The following EFCAB8 variants were observed in gnomAD, a reference collection of about 807,000 sequenced individuals.
EFCAB8 encodes the protein EF-hand calcium binding domain 8, also known as EF-hand calcium-binding domain-containing protein 8.
A neutral mutation model predicts 116.3 loss-of-function variants in EFCAB8; 100 were observed. The ratio of observed to expected loss-of-function variants is 0.86; its 90% CI spans 0.73 to 1.02. EFCAB8 has a LOEUF of 1.02. Among genes scored for constraint, EFCAB8 ranks in the 50% least tolerant of loss-of-function variants. The probability of loss-of-function intolerance (pLI) is 0.00; values close to 1 mark genes in which losing one functional copy is unlikely to be tolerated. For missense variants in EFCAB8, 1,320 were observed against 1,416.9 expected (o/e 0.93, Z 1.10); for synonymous variants, 558 against 567.9 (o/e 0.98, Z 0.25).
chr20:32,918,336 T>C, intron 18 of EFCAB8, 26 bp from the exon 19 acceptor site: 1 of 1,550,904 alleles, frequency 6.4e-7, no homozygotes, highest in Non-Finnish European at 8.7e-7. Flanking sequence ...TGCAGTGCCT[T>C]AGGGGCTGCT....
chr20:32,918,414 A>G lies in EFCAB8; in HGVS notation c.2114A>G (p.Tyr705Cys). 1 of 1,551,720 alleles carries G rather than the reference A, an allele frequency of 6.4e-7. No homozygotes were observed. Among genetic ancestry groups the G allele is most frequent in the Non-Finnish European group, 8.7e-7 (1 of 1,146,990 alleles). The change falls in exon 19 of 27, where the codon TAT becomes TGT. Residue 705 changes from tyrosine (Y) to cysteine (C), a missense_variant. Coordinates refer to ENST00000400522, the MANE Select transcript of EFCAB8 (RefSeq NM_001143967.2). ...LAESHRPSRP[Y>C]VEREKWTYKT... is the part of the protein sequence containing the mutation. ...GAGAGCCACAGGCCCAGCAGACCCT[A>G]TGTGGAGCGGGAGAAGTGGACATAC...
chr20:32,892,317 TCCTCACATGAACCAGGAGGCCCAGG>T lies in EFCAB8; in HGVS notation c.758+25_758+49del, dbSNP rs773675526. The T allele has an allele frequency of 6.8e-5, 105 of 1,550,286 alleles. No individual in the cohort carries two copies. The Middle Eastern group carries it at 6.9e-4, about 10-fold the overall frequency. ...CTACTGGTGAGTCTCCACTGGGTGT[TCCTCACATGAACCAGGAGGCCCAGG>T]CCTCCTGCAGCAGCCGCATCACTGA... On this transcript the variant is annotated intron_variant, in intron 8 of 26. Transcript: ENST00000400522.
intron 11 of EFCAB8, among the ~76,000 whole-genome samples, chr20:32,901,528 G>A (rs889917049): frequency 3.1e-4 from 45 of 145,806 alleles, no homozygotes; most frequent in African/African-American, 1.3e-3. Flanking sequence ...CCTCACCAGG[G>A]CCAGGAGGGC....
intron 24 of EFCAB8, among the ~76,000 whole-genome samples, chr20:32,958,947 C>T (rs1989055417): frequency 6.6e-6 from 1 of 152,210 alleles, no homozygotes; most frequent in Non-Finnish European, 1.5e-5. Context: ...CCTGAGAGGA[C>T]ATTTGTGTTA....
chr20:32,952,166 G>A (rs941624907), intron 23 of EFCAB8, among the ~76,000 whole-genome samples: 5 of 152,122 alleles, frequency 3.3e-5, no homozygotes, highest in Admixed American at 3.3e-4. Flanking sequence ...TCAGGAGGCT[G>A]AGGCAGGAGG....
At chr20:32,895,382 T>G (rs1181144412) in intron 9 of EFCAB8, among the ~76,000 whole-genome samples, 1 of 149,548 alleles carries the variant, frequency 6.7e-6, no homozygotes, top group African/African-American at 2.5e-5. Flanking sequence ...TGGAGTGTAG[T>G]GGTATGATCA....
Position 32,961,477 on chromosome 20 carries a change from C to A in EFCAB8, c.3735C>A (p.Ser1245=). ...STAHSTPSVP[S]PVSKSTLQGS... is the part of the protein sequence containing the mutation. ...CCCATTCCACCCCCTCGGTCCCATC[C>A]CCGGTGTCCAAGTCCACCCTGCAGG... Residue 1245 remains serine, a synonymous_variant, in exon 27 of 27, where the codon TCC becomes TCA. Coordinates refer to ENST00000400522, the MANE Select transcript of EFCAB8 (RefSeq NM_001143967.2). The A allele has an allele frequency of 6.9e-7, 1 of 1,449,586 alleles. No individual in the cohort carries two copies. Among genetic ancestry groups the A allele is most frequent in the Non-Finnish European group, 9.1e-7 (1 of 1,097,774 alleles). 89.8% of individuals were successfully genotyped at this position (1,449,586 alleles called of 1,614,324 possible).
rs766684942 is a variant in EFCAB8 at position 32,912,445 on chromosome 20, AGAAG to A, written c.1786-348_1786-345del. ...GAAACTCTGTCAAAAAAAAAAAAAA[AGAAG>A]AAGAAGAAAGAAAGTGTACTTAGCC... On this transcript the variant is annotated intron_variant, in intron 16 of 26. Coordinates refer to ENST00000400522, the MANE Select transcript of EFCAB8 (RefSeq NM_001143967.2). Among the ~76,000 whole-genome samples the A allele has an allele frequency of 9.9e-5, 14 of 141,822 alleles. 2 individuals are homozygous for A. Among genetic ancestry groups the A allele is most frequent in the Admixed American group, 1.4e-4 (2 of 14,198 alleles). 93.0% of individuals were successfully genotyped at this position (141,822 alleles called of 152,430 possible). A position where few individuals can be genotyped will look rare whatever the true frequency, so the allele number is the denominator to read the frequency against.
At chr20:32,936,097 A>G (rs1005749858) in intron 22 of EFCAB8, among the ~76,000 whole-genome samples, 1 of 151,674 alleles carries the variant, frequency 6.6e-6, no homozygotes, top group Non-Finnish European at 1.5e-5. Flanking sequence ...CAGTGGTGCA[A>G]TCTCAGCTCA....
chr20:32,902,597 AT>A (rs1986478564), intron 11 of EFCAB8, among the ~76,000 whole-genome samples: 1 of 152,226 alleles, frequency 6.6e-6, no homozygotes, highest in African/African-American at 2.4e-5. Context: ...ATATTTAAAA[AT>A]TAGCTGGGAG....
At chr20:32,914,685 T>C (rs754559825) in intron 17 of EFCAB8, among the ~76,000 whole-genome samples, 1 of 152,012 alleles carries the variant, frequency 6.6e-6, no homozygotes, top group Non-Finnish European at 1.5e-5. Context: ...TCAGGTCTTG[T>C]GAGAACTCAC....
intron 17 of EFCAB8, among the ~76,000 whole-genome samples, 151 bp downstream of exon 17, chr20:32,913,015 C>T (rs1285339667): frequency 6.6e-6 from 1 of 152,142 alleles, no homozygotes; most frequent in Non-Finnish European, 1.5e-5. Flanking sequence ...GCTCATCCAT[C>T]CATTTATTCA....
rs538822552 is a variant in EFCAB8, at chr20:32,871,147, C to T, written c.208+3400C>T. Among the ~76,000 whole-genome samples, 116 of 152,162 alleles carry T rather than the reference C, an allele frequency of 7.6e-4. 4 individuals carry two copies. Among genetic ancestry groups the T allele is most frequent in the South Asian group, 6.8e-3 (33 of 4,818 alleles). The stretch of plus-strand genomic sequence containing the variant: ...GATTTCAGGTGTGAGCCACCGTGCC[C>T]GGCCCTCTCTACTTCTTCTTTTAAA... On this transcript the variant is annotated intron_variant, in intron 3 of 26. Coordinates refer to ENST00000400522, the MANE Select transcript of EFCAB8 (RefSeq NM_001143967.2).
chr20:32,902,440 CA>C (rs372251417), intron 11 of EFCAB8, among the ~76,000 whole-genome samples: 4 of 151,474 alleles, frequency 2.6e-5, no homozygotes, highest in Admixed American at 1.3e-4. Context: ...ACCCTGTCTT[CA>C]AAAAAAACAA....
Position 32,961,227 on chromosome 20 carries a change from A to T in EFCAB8, c.3485A>T (p.Gln1162Leu), listed in dbSNP as rs1221452314. 1 of 1,551,804 alleles carries T rather than the reference A, an allele frequency of 6.4e-7. No homozygotes were observed. The highest frequency in any genetic ancestry group is 1.4e-5 in the African/African-American group (1 of 73,050). The part of the protein sequence containing the change: ...DFLTSRGPDQ[Q>L]DQHIRLVAHH... ...CTGACCAGCAGGGGCCCAGACCAGC[A>T]AGACCAGCACATCCGCCTGGTGGCC... The change falls in exon 27 of 27, where the codon CAA becomes CTA. Residue 1162 changes from glutamine (Q) to leucine (L), a missense_variant. Physicochemically the swap from Gln to Leu is moderately radical, Grantham distance 113 (BLOSUM62 -2). Coordinates refer to ENST00000400522, the MANE Select transcript of EFCAB8 (RefSeq NM_001143967.2).
intron 5 of EFCAB8, among the ~76,000 whole-genome samples, chr20:32,884,013 G>T (rs1462241147): frequency 6.6e-6 from 1 of 152,180 alleles, no homozygotes; most frequent in Non-Finnish European, 1.5e-5. Flanking sequence ...TGGGATTACA[G>T]GCGTGAGCCA....
rs1985579583 is a variant in EFCAB8 at position 32,885,533 on chromosome 20, G to A, written c.460G>A (p.Val154Met). Reference protein sequence around the residue: ...LNHGCEVVKVVFLIHRFKKIG... With the variant: ...LNHGCEVVKVMFLIHRFKKIG... ...CCATGGCTGTGAGGTGGTGAAGGTG[G>A]TGTTTTTAATCCACCGGTTCAAGAA... Residue 154 changes from valine (V) to methionine (M), a missense_variant, in exon 6 of 27, where the codon GTG becomes ATG. Transcript: ENST00000400522. The A allele has an allele frequency of 6.4e-7, 1 of 1,551,760 alleles. No individual in the cohort carries two copies.
intron 23 of EFCAB8, among the ~76,000 whole-genome samples, chr20:32,949,044 T>C (rs925847656): frequency 1.3e-5 from 2 of 152,156 alleles, no homozygotes; most frequent in South Asian, 2.1e-4. Context: ...TAAAACTGTT[T>C]TTATTTGTAG....
chr20:32,910,693 ATCT>A (rs990612349), intron 15 of EFCAB8, among the ~76,000 whole-genome samples: 2 of 149,098 alleles, frequency 1.3e-5, no homozygotes, highest in African/African-American at 5.0e-5. Flanking sequence ...ACTTTTCTAG[ATCT>A]TCTCAGTAGG....
Sources: allele counts gnomAD v4.1 joint callset (sites outside exome capture counted in the v4.1 genomes callset), GRCh38; gene constraint gnomAD v4.1.1; transcripts MANE v1.5; gene names NCBI Gene and HGNC (gene_info 2026-07-23, HGNC 2026-07-21).